ATRNL1: variants seen among roughly 807,000 people sequenced by gnomAD.
ATRNL1 encodes the protein attractin like 1.
ATRNL1 carries 95 observed loss-of-function variants against 182.7 expected under a neutral mutation model. The observed-to-expected ratio is 0.52, with a 90% CI of 0.44 to 0.62. ATRNL1 has a LOEUF of 0.62. ATRNL1 is among the 20% of genes least tolerant of loss of function. The pLI is 0.00. For synonymous variants in ATRNL1, 576 were observed against 568.3 expected, an observed-to-expected ratio of 1.01 and a Z score of -0.19; for missense variants, 1,471 against 1,679.5, an observed-to-expected ratio of 0.88 and a Z score of 2.17.
At chr10:115,178,447 C>G (rs1320582701) in intron 8 of ATRNL1, among the ~76,000 whole-genome samples, 1 of 152,154 alleles carries the variant, frequency 6.6e-6, no homozygotes, top group Non-Finnish European at 1.5e-5. Flanking sequence ...TCTTAATCCA[C>G]AGCTTTATTT....
At chr10:115,619,713 C>A (rs1376119316) in intron 26 of ATRNL1, among the ~76,000 whole-genome samples, 1 of 152,074 alleles carries the variant, frequency 6.6e-6, no homozygotes, top group Non-Finnish European at 1.5e-5. Flanking sequence ...ATATCCATTG[C>A]CTAATTTAAT....
At chr10:115,536,109 G>T (rs1207287796) in intron 25 of ATRNL1, among the ~76,000 whole-genome samples, 2 of 152,118 alleles carry the variant, frequency 1.3e-5, no homozygotes, top group Non-Finnish European at 2.9e-5. Flanking sequence ...ATCTCCAGCT[G>T]CGTGCTGGGA....
At chr10:115,327,310 A>G (rs1554933652) in intron 18 of ATRNL1, among the ~76,000 whole-genome samples, 1 of 150,716 alleles carries the variant, frequency 6.6e-6, no homozygotes, top group African/African-American at 2.4e-5. Context: ...GAAGACATTT[A>G]TGCAGCCAAA....
intron 28 of ATRNL1, among the ~76,000 whole-genome samples, chr10:115,858,558 A>T (rs1169296749): frequency 6.6e-6 from 1 of 152,204 alleles, no homozygotes; most frequent in East Asian, 1.9e-4. Context: ...GGGGTTGTGG[A>T]GAGAGCATTA....
intron 26 of ATRNL1, among the ~76,000 whole-genome samples, chr10:115,713,888 A>G (rs937923828): frequency 7.9e-5 from 12 of 152,206 alleles, no homozygotes; most frequent in Non-Finnish European, 1.6e-4. Context: ...ATATGTGTAC[A>G]AAGTACAAAA....
intron 26 of ATRNL1, among the ~76,000 whole-genome samples, chr10:115,702,554 C>G (rs1481939054): frequency 6.6e-6 from 1 of 151,838 alleles, no homozygotes; most frequent in Admixed American, 6.6e-5. Flanking sequence ...AAGACTCCAC[C>G]AAAATTCTCC....
At chr10:115,665,706 T>C (rs1346133727) in intron 26 of ATRNL1, among the ~76,000 whole-genome samples, 1 of 152,168 alleles carries the variant, frequency 6.6e-6, no homozygotes. Flanking sequence ...TGACTCCCCT[T>C]GAGTCACAGT....
intron 25 of ATRNL1, 95 bp from the exon 26 acceptor site, chr10:115,549,363 T>C: frequency 1.5e-6 from 1 of 664,310 alleles, no homozygotes. Flanking sequence ...AGTTATTACT[T>C]ATATATATAT....
At chr10:115,517,526 CT>C (rs1850702315) in intron 24 of ATRNL1, among the ~76,000 whole-genome samples, 1 of 151,728 alleles carries the variant, frequency 6.6e-6, no homozygotes, top group African/African-American at 2.4e-5. Context: ...TGCACTGTAT[CT>C]TATTCAGTTA....
intron 8 of ATRNL1, among the ~76,000 whole-genome samples, chr10:115,179,127 A>G (rs1319359083): frequency 6.6e-6 from 1 of 152,148 alleles, no homozygotes; most frequent in Non-Finnish European, 1.5e-5. Flanking sequence ...TATTAACCAA[A>G]TTATTTAAAT....
chr10:115,492,303 T>C (rs2134660791), intron 24 of ATRNL1, among the ~76,000 whole-genome samples: 1 of 152,270 alleles, frequency 6.6e-6, no homozygotes, highest in Non-Finnish European at 1.5e-5. Flanking sequence ...TCAATGGTTA[T>C]TTCTTTTTTT....
chr10:115,240,533 C>A (rs116337214), intron 9 of ATRNL1, among the ~76,000 whole-genome samples: 155 of 152,078 alleles, frequency 1.0e-3, no homozygotes, highest in African/African-American at 3.4e-3. Context: ...GAGTTACAGG[C>A]GTGAGACAAC....
rs374395440 is a variant in ATRNL1, at chr10:115,887,867, T to A, written c.4018+39876T>A. Among the ~76,000 whole-genome samples, 9 of 152,234 alleles carry A rather than the reference T, an allele frequency of 5.9e-5. No individual in the cohort carries two copies. The East Asian group carries it at 1.7e-3, about 29-fold the overall frequency. ...GCCACCCTCCTTGTCTAAGCTACTC[T>A]TGTGTGTTGCCTGGATATTTTGCAG... On this transcript the variant is annotated intron_variant, in intron 28 of 28. Transcript: ENST00000355044.
rs144798374 is a variant in ATRNL1 at position 115,587,877 on chromosome 10, A to G, written c.3795+38341A>G. Among the ~76,000 whole-genome samples the G allele has an allele frequency of 4.3e-3, 653 of 152,044 alleles. 3 individuals carry two copies. The highest frequency in any genetic ancestry group is 0.015 in the African/African-American group (630 of 41,530). On this transcript the variant is annotated intron_variant, in intron 26 of 28. Coordinates refer to ENST00000355044, the MANE Select transcript of ATRNL1 (RefSeq NM_207303.4). ...AACAAAGTTTATCTTCCAAACCAGT[A>G]GAGAAAACAAATAGAACAGAAGTAG... is the stretch of plus-strand genomic sequence containing the variant.
intron 26 of ATRNL1, among the ~76,000 whole-genome samples, chr10:115,574,066 A>G (rs1854563816): frequency 6.6e-6 from 1 of 152,102 alleles, no homozygotes; most frequent in African/African-American, 2.4e-5. Context: ...AGTTATCTCA[A>G]TTATTTCTTG....
intron 28 of ATRNL1, among the ~76,000 whole-genome samples, chr10:115,912,519 G>A (rs1485061722): frequency 6.6e-6 from 1 of 151,836 alleles, no homozygotes; most frequent in Non-Finnish European, 1.5e-5. Flanking sequence ...AAAGTAACTG[G>A]AGCTATGTAT....
At chr10:115,273,998 C>G (rs1460630126) in intron 13 of ATRNL1, among the ~76,000 whole-genome samples, 1 of 152,172 alleles carries the variant, frequency 6.6e-6, no homozygotes, top group Non-Finnish European at 1.5e-5. Context: ...GTTAAACATT[C>G]AGTTTCTATT....
At chr10:115,840,302 C>A (rs1950774593) in intron 27 of ATRNL1, among the ~76,000 whole-genome samples, 1 of 152,050 alleles carries the variant, frequency 6.6e-6, no homozygotes, top group Admixed American at 6.6e-5. Context: ...CATTTCAAGC[C>A]ATTAACAGAG....
chr10:115,234,409 C>G (rs1463441793), intron 9 of ATRNL1, among the ~76,000 whole-genome samples: 1 of 151,792 alleles, frequency 6.6e-6, no homozygotes, highest in African/African-American at 2.4e-5. Flanking sequence ...ATGATGCCCT[C>G]TTAAGCATAA....
Sources: allele counts gnomAD v4.1 joint callset (sites outside exome capture counted in the v4.1 genomes callset), GRCh38; gene constraint gnomAD v4.1.1; transcripts MANE v1.5; gene names NCBI Gene and HGNC (gene_info 2026-07-23, HGNC 2026-07-21).